LAMA2: variants seen among roughly 807,000 people sequenced by gnomAD.
LAMA2 encodes the protein laminin subunit alpha 2.
A neutral mutation model predicts 364.8 loss-of-function variants in LAMA2; 269 were observed. The observed-to-expected ratio is 0.74, with a 90% confidence interval of 0.67 to 0.82. The LOEUF (loss-of-function observed/expected upper bound fraction) is 0.82, where lower values mean the gene tolerates loss of function less well. Among genes scored for constraint, LAMA2 ranks in the 40% least tolerant of loss-of-function variants. The pLI is 0.00. For synonymous variants in LAMA2, 1,379 were observed against 1,370.6 expected (o/e 1.01, Z -0.14); for missense variants, 3,807 against 3,873.2 (o/e 0.98, Z 0.45).
At chr6:129,088,780 AC>A (rs1774596847) in intron 3 of LAMA2, among the ~76,000 whole-genome samples, 2 of 151,460 alleles carry the variant, frequency 1.3e-5, no homozygotes, top group Admixed American at 1.3e-4. Flanking sequence ...GACGCTCCTC[AC>A]TTCCTAGACG....
At chr6:129,410,824 G>A (rs1233070286) in intron 40 of LAMA2, among the ~76,000 whole-genome samples, 1 of 152,112 alleles carries the variant, frequency 6.6e-6, no homozygotes, top group Non-Finnish European at 1.5e-5. Flanking sequence ...TGATTATGGA[G>A]GCTGCAAAGT....
chr6:129,126,648 G>A (rs376101996), intron 4 of LAMA2, among the ~76,000 whole-genome samples: 1 of 152,040 alleles, frequency 6.6e-6, no homozygotes, highest in East Asian at 1.9e-4. Flanking sequence ...TGAATATCAA[G>A]TGTTAAATAT....
intron 3 of LAMA2, among the ~76,000 whole-genome samples, chr6:129,082,619 T>C (rs1287234679): frequency 6.6e-6 from 1 of 152,142 alleles, no homozygotes; most frequent in Non-Finnish European, 1.5e-5. Context: ...TCACAGTCCT[T>C]TTTAAATTTG....
intron 34 of LAMA2, among the ~76,000 whole-genome samples, chr6:129,377,900 C>T (rs1489581711): frequency 6.6e-6 from 1 of 151,706 alleles, no homozygotes; most frequent in East Asian, 1.9e-4. Context: ...TTAACGTGTG[C>T]CTAATGGTAA....
chr6:129,145,349 G>GT (rs1562274556), intron 5 of LAMA2, among the ~76,000 whole-genome samples: 1 of 151,944 alleles, frequency 6.6e-6, no homozygotes, highest in African/African-American at 2.4e-5. Flanking sequence ...TTAGTGCCCT[G>GT]TATTTTCCAA....
intron 61 of LAMA2, among the ~76,000 whole-genome samples, chr6:129,507,078 T>G (rs1786145205): frequency 8.0e-6 from 1 of 124,550 alleles, no homozygotes; most frequent in African/African-American, 2.7e-5. Flanking sequence ...AATTACCTTT[T>G]CAAATAGAAA....
chr6:129,302,383 G>A (rs1773602654), intron 22 of LAMA2, among the ~76,000 whole-genome samples: 1 of 151,960 alleles, frequency 6.6e-6, no homozygotes. Context: ...GTAATGCATT[G>A]CAAGGATTAT....
intron 1 of LAMA2, among the ~76,000 whole-genome samples, chr6:128,961,303 G>C (rs1211599914): frequency 1.4e-5 from 1 of 73,750 alleles, no homozygotes; most frequent in African/African-American, 4.5e-5. Context: ...TTCTGTAGAG[G>C]GACAGAACTA....
chr6:129,369,199 G>A (rs116807501), intron 33 of LAMA2, among the ~76,000 whole-genome samples: 26 of 152,222 alleles, frequency 1.7e-4, no homozygotes, highest in African/African-American at 6.3e-4. Flanking sequence ...GAAATGGGAG[G>A]TTGGGGTAGT....
At chr6:129,099,125 G>GTTTTTTTTTTTTTTTTTT (rs370334822) in intron 4 of LAMA2, among the ~76,000 whole-genome samples, 1 of 129,798 alleles carries the variant, frequency 7.7e-6, no homozygotes. Flanking sequence ...TTTTTTTTTT[G>GTTTTTTTTTTTTTTTTTT]TTTTTTTTTT....
intron 46 of LAMA2, 23 bp from the exon 47 acceptor site, chr6:129,454,132 G>C: frequency 6.2e-7 from 1 of 1,608,036 alleles, no homozygotes; most frequent in Non-Finnish European, 8.5e-7. Context: ...GATATCTCTT[G>C]TTTTTGTATT....
chr6:129,405,053 A>G (rs966516274), intron 40 of LAMA2, among the ~76,000 whole-genome samples: 3 of 152,156 alleles, frequency 2.0e-5, no homozygotes, highest in Admixed American at 1.3e-4. Flanking sequence ...TTCTATGTTC[A>G]GTTATCCTTT....
chr6:129,481,295 T>G lies in LAMA2; in HGVS notation c.7605T>G (p.Gly2535=). 6.2e-7 allele frequency: 1 copy of G among 1,613,826 alleles called. No homozygotes were observed. Among genetic ancestry groups the G allele is most frequent in the Non-Finnish European group, 8.5e-7 (1 of 1,179,816 alleles). ...NVYTVSFPKP[G]FVELSPVPID... ...ACACAGTTAGCTTTCCTAAGCCTGG[T>G]TTTGTGGAGCTCTCCCCTGTGCCAA... Residue 2535 remains glycine, a synonymous_variant, in exon 55 of 65, where the codon GGT becomes GGG. Coordinates refer to ENST00000421865, the MANE Select transcript of LAMA2 (RefSeq NM_000426.4).
At chr6:129,333,020 G>A (rs1775749767) in intron 29 of LAMA2, among the ~76,000 whole-genome samples, 1 of 150,704 alleles carries the variant, frequency 6.6e-6, no homozygotes, top group African/African-American at 2.4e-5. Flanking sequence ...AGCCTCCTGA[G>A]TAGCTGGGAT....
At chr6:129,066,613 G>GCTGAATAA (rs1789374061) in intron 3 of LAMA2, among the ~76,000 whole-genome samples, 2 of 614 alleles carry the variant, frequency 3.3e-3, no homozygotes, top group Non-Finnish European at 0.016. Context: ...CACAAAAGGT[G>GCTGAATAA]CTAAAGCAAT....
chr6:129,428,396 T>A (rs1781429766), intron 41 of LAMA2, among the ~76,000 whole-genome samples: 2 of 152,232 alleles, frequency 1.3e-5, no homozygotes, highest in Non-Finnish European at 2.9e-5. Flanking sequence ...ATCACACTAC[T>A]GTACACCAGC....
chr6:129,438,513 G>A, intron 41 of LAMA2, 133 bp from the exon 42 acceptor site: 1 of 580,650 alleles, frequency 1.7e-6, no homozygotes, highest in South Asian at 2.1e-5. Flanking sequence ...TTTATGTATA[G>A]ATGCCAATAA....
At chr6:129,456,236 C>G (rs1782956091) in intron 47 of LAMA2, 99 bp from the exon 48 acceptor site, 2 of 1,197,276 alleles carry the variant, frequency 1.7e-6, no homozygotes, top group South Asian at 2.5e-5. Flanking sequence ...AAACAAGTCT[C>G]CGCATTTTAT....
At chr6:129,237,901 G>A (rs1020400937) in intron 12 of LAMA2, among the ~76,000 whole-genome samples, 1 of 151,230 alleles carries the variant, frequency 6.6e-6, no homozygotes, top group Admixed American at 6.6e-5. Context: ...GCTCACGCCT[G>A]TAATCTCACC....
Sources: gnomAD v4.1 joint callset for allele counts (sites outside exome capture counted in the v4.1 genomes callset) on GRCh38, gnomAD v4.1.1 for gene constraint, MANE v1.5 for transcripts, NCBI Gene and HGNC (gene_info 2026-07-23, HGNC 2026-07-21) for gene names.